TBC1D32: variants seen among roughly 807,000 people sequenced by gnomAD.
TBC1D32 encodes the protein TBC1 domain family member 32.
In TBC1D32, 151 loss-of-function variants were observed where a neutral mutation model predicts 170.3. The ratio of observed to expected loss-of-function variants is 0.89; its 90% CI spans 0.78 to 1.01. The LOEUF (loss-of-function observed/expected upper bound fraction) is 1.01. Ranked by LOEUF, TBC1D32 falls within the 50% of genes least tolerant of loss-of-function variation. The pLI, the probability that TBC1D32 is intolerant of heterozygous loss-of-function variation, is 0.00. For synonymous variants in TBC1D32, 498 were observed against 488.0 expected (o/e 1.02, Z -0.27); for missense variants, 1,464 against 1,457.1 (o/e 1.00, Z -0.08).
intron 12 of TBC1D32, among the ~76,000 whole-genome samples, chr6:121,285,952 A>G (rs1358772025): frequency 1.3e-5 from 2 of 152,172 alleles, no homozygotes; most frequent in Admixed American, 6.5e-5. Flanking sequence ...GAAAACTAAC[A>G]AACAGAAAGA....
intron 17 of TBC1D32, among the ~76,000 whole-genome samples, chr6:121,252,695 C>T (rs1201557114): frequency 1.3e-5 from 2 of 152,024 alleles, no homozygotes; most frequent in Non-Finnish European, 1.5e-5. Context: ...ATGTAACAAA[C>T]CTGCATATTC....
At chr6:121,180,633 G>A (rs895601463) in intron 22 of TBC1D32, among the ~76,000 whole-genome samples, 1 of 152,084 alleles carries the variant, frequency 6.6e-6, no homozygotes, top group Non-Finnish European at 1.5e-5. Flanking sequence ...AAACTACTAG[G>A]AGAAAACGCT....
rs138745197 is a variant in TBC1D32 at position 121,206,324 on chromosome 6, C to T, written c.2482-1161G>A. ...TTTATAGACAAATATATATCTCTCT[C>T]ATTGCTCATTTTCCTGACCAAGAAA... On this transcript the variant is annotated intron_variant, in intron 21 of 31. Coordinates refer to ENST00000398212, the MANE Select transcript of TBC1D32 (RefSeq NM_152730.6). Among the ~76,000 whole-genome samples, 435 of 152,082 alleles carry T rather than the reference C, an allele frequency of 2.9e-3. 1 individual carries two copies. Among genetic ancestry groups the T allele is most frequent in the African/African-American group, 9.6e-3 (400 of 41,490 alleles).
At chr6:121,083,237 T>A (rs1035029200) in intron 31 of TBC1D32, among the ~76,000 whole-genome samples, 5 of 138,188 alleles carry the variant, frequency 3.6e-5, no homozygotes, top group African/African-American at 1.6e-4. Flanking sequence ...GATGCATTAA[T>A]TACATAAGGT....
At chr6:121,083,022 T>C (rs1057128681) in intron 31 of TBC1D32, among the ~76,000 whole-genome samples, 1 of 152,032 alleles carries the variant, frequency 6.6e-6, no homozygotes, top group African/African-American at 2.4e-5. Context: ...AAGTAGAACA[T>C]TTTTTCATCT....
intron 20 of TBC1D32, chr6:121,224,354 T>G (rs1221977230): frequency 1.3e-5 from 2 of 152,146 alleles, no homozygotes; most frequent in Non-Finnish European, 2.9e-5. Context: ...TTATATTAAT[T>G]GTACTTACTT....
In TBC1D32 at chr6:121,239,069, C is replaced by T. The variant is rs751637445; in HGVS notation, c.2364+1G>A. On this transcript the variant is annotated splice_donor_variant, in intron 20 of 31. Coordinates refer to ENST00000398212, the MANE Select transcript of TBC1D32 (RefSeq NM_152730.6). LOFTEE classifies it high-confidence loss of function. The stretch of plus-strand genomic sequence containing the variant: ...GTATTATTAGTCAAATAACTTCTTA[C>T]CTTTTGACAGCTTCGGTCAATAGGA... 1.3e-6 allele frequency: 2 copies of T among 1,552,070 alleles called. No homozygotes were observed. Among genetic ancestry groups the T allele is most frequent in the East Asian group, 2.3e-5 (1 of 44,418 alleles).
In TBC1D32 at chr6:121,292,292, G is replaced by A. The variant is rs556311998; in HGVS notation, c.1232-99C>T. On this transcript the variant is annotated intron_variant, in intron 11 of 31. Transcript: ENST00000398212. ...AGACATTAAACAAGGCTACAGGCTAGAATGGAGACATTACTGGTCAAAAAT... is the reference window on the plus strand; with the variant it reads ...AGACATTAAACAAGGCTACAGGCTAAAATGGAGACATTACTGGTCAAAAAT... 8 of 1,272,960 alleles carry A rather than the reference G, an allele frequency of 6.3e-6. No individual in the cohort carries two copies. The South Asian group carries it at 9.3e-5, about 15-fold the overall frequency. 78.9% of individuals were successfully genotyped at this position (1,272,960 alleles called of 1,614,324 possible).
intron 21 of TBC1D32, among the ~76,000 whole-genome samples, chr6:121,209,700 C>T (rs1792800749): frequency 1.3e-5 from 2 of 152,158 alleles, no homozygotes. Context: ...GAAACTAATG[C>T]AGGCAGTCTG....
intron 10 of TBC1D32, among the ~76,000 whole-genome samples, chr6:121,297,924 AC>A (rs1428273860): frequency 2.6e-5 from 4 of 152,108 alleles, no homozygotes; most frequent in African/African-American, 9.6e-5. Flanking sequence ...TAGAGGAAAT[AC>A]ATCAGCAGGT....
rs548343447 is a variant in TBC1D32, at chr6:121,211,906, T to C, written c.2482-6743A>G. On this transcript the variant is annotated intron_variant, in intron 21 of 31. Transcript: ENST00000398212. ...GGATAGTATGTGCTCCACTCAACAC[T>C]GCACACACAGTTCCTCGACCACAGT... is the stretch of plus-strand genomic sequence containing the variant. Among the ~76,000 whole-genome samples the C allele has an allele frequency of 8.6e-5, 13 of 152,028 alleles. No homozygotes were observed. The East Asian group carries it at 2.5e-3, about 29-fold the overall frequency.
chr6:121,318,236 G>A (rs1158298820), intron 2 of TBC1D32, among the ~76,000 whole-genome samples: 1 of 151,958 alleles, frequency 6.6e-6, no homozygotes, highest in Non-Finnish European at 1.5e-5. Flanking sequence ...TCCACTCTCA[G>A]GATGTTAGGA....
At chr6:121,140,432 A>G (rs926453164) in intron 24 of TBC1D32, among the ~76,000 whole-genome samples, 1 of 152,094 alleles carries the variant, frequency 6.6e-6, no homozygotes, top group East Asian at 1.9e-4. Flanking sequence ...ATCTGAAACT[A>G]TCTGGCTAAA....
At chr6:121,285,441 C>G (rs946309605) in intron 12 of TBC1D32, among the ~76,000 whole-genome samples, 2 of 152,124 alleles carry the variant, frequency 1.3e-5, no homozygotes, top group African/African-American at 4.8e-5. Flanking sequence ...GACCCAGTCC[C>G]TTAGGTTTTT....
intron 20 of TBC1D32, among the ~76,000 whole-genome samples, chr6:121,234,349 T>C (rs906926363): frequency 6.6e-6 from 1 of 152,144 alleles, no homozygotes; most frequent in Non-Finnish European, 1.5e-5. Flanking sequence ...GGAACACCAA[T>C]TATTCTTAGG....
At chr6:121,131,545 A>G (rs1032225465) in intron 25 of TBC1D32, 82 bp downstream of exon 25, 1 of 1,422,024 alleles carries the variant, frequency 7.0e-7, no homozygotes, top group Non-Finnish European at 9.6e-7. Flanking sequence ...TACATATGCC[A>G]ATACTAATCT....
chr6:121,299,367 C>G (rs1297916917), intron 10 of TBC1D32, 79 bp downstream of exon 10: 5 of 1,392,740 alleles, frequency 3.6e-6, no homozygotes, highest in Non-Finnish European at 4.8e-6. Flanking sequence ...CACCACACAA[C>G]TTTGCATAGT....
intron 21 of TBC1D32, among the ~76,000 whole-genome samples, chr6:121,209,746 G>A (rs1200489681): frequency 6.6e-6 from 1 of 152,112 alleles, no homozygotes; most frequent in Non-Finnish European, 1.5e-5. Flanking sequence ...TTATTACCCT[G>A]TGCTTGCCTT....
chr6:121,136,958 C>T (rs1040516148), intron 24 of TBC1D32, among the ~76,000 whole-genome samples: 1 of 151,902 alleles, frequency 6.6e-6, no homozygotes, highest in Non-Finnish European at 1.5e-5. Flanking sequence ...TATATCAGAA[C>T]TCACTAAGAT....
Sources: allele counts gnomAD v4.1 joint callset (sites outside exome capture counted in the v4.1 genomes callset), GRCh38; gene constraint gnomAD v4.1.1; transcripts MANE v1.5; gene names NCBI Gene and HGNC (gene_info 2026-07-23, HGNC 2026-07-21).